The following SMYD3 variants were observed in gnomAD, a reference collection of about 807,000 sequenced individuals.
SMYD3 encodes the protein histone-lysine N-methyltransferase SMYD3.
Under a neutral mutation model 57.7 loss-of-function variants are expected in SMYD3, and 36 were observed. That is an observed-to-expected ratio of 0.62 (90% confidence interval 0.48 to 0.82). SMYD3 has a LOEUF of 0.82. SMYD3 is among the 40% of genes least tolerant of loss of function. SMYD3 has a pLI of 0.00. For missense variants in SMYD3, 515 were observed against 538.8 expected (o/e 0.96, Z 0.44); for synonymous variants, 211 against 195.0 (o/e 1.08, Z -0.68).
intron 1 of SMYD3, among the ~76,000 whole-genome samples, chr1:246,472,327 A>G (rs1369412773): frequency 6.6e-6 from 1 of 152,258 alleles, no homozygotes; most frequent in African/African-American, 2.4e-5. Context: ...TGCTTCTACA[A>G]TAGCTGGAAG....
intron 10 of SMYD3, among the ~76,000 whole-genome samples, chr1:245,788,621 T>A (rs978302775): frequency 1.3e-5 from 2 of 152,206 alleles, no homozygotes; most frequent in Admixed American, 6.5e-5. Flanking sequence ...CAGCAAGCTC[T>A]AAGCCCCTCA....
At chr1:246,024,343 A>AG (rs1205781432) in intron 5 of SMYD3, among the ~76,000 whole-genome samples, 7 of 149,130 alleles carry the variant, frequency 4.7e-5, no homozygotes, top group East Asian at 2.0e-4. Context: ...GCATCTAGGA[A>AG]GGAGATACAG....
chr1:246,045,216 A>G (rs1241447051), intron 5 of SMYD3, among the ~76,000 whole-genome samples: 2 of 152,226 alleles, frequency 1.3e-5, no homozygotes, highest in African/African-American at 4.8e-5. Flanking sequence ...GCATCATGCT[A>G]CCTGACTTCA....
Position 246,247,486 on chromosome 1 carries a change from T to TA in SMYD3, c.531+79714_531+79715insT, listed in dbSNP as rs1491147936. Among the ~76,000 whole-genome samples, 541 of 140,882 alleles carry TA rather than the reference T, an allele frequency of 3.8e-3. 18 individuals are homozygous for TA. In the East Asian group the frequency reaches 0.042, roughly 11 times the overall value. 92.4% of individuals were successfully genotyped at this position (140,882 alleles called of 152,430 possible). ...CTCTCTATATATATATATATATATA[T>TA]TTTTTAACATGGGACTCATATATAT... On this transcript the variant is annotated intron_variant, in intron 5 of 11. Transcript: ENST00000490107.
chr1:245,896,668 C>G (rs10754483), intron 8 of SMYD3, among the ~76,000 whole-genome samples: 144,780 of 152,254 alleles, frequency 0.95, 69,238 homozygotes, highest in East Asian at 1. Flanking sequence ...ACCTGTTCCC[C>G]TGTGCTAGAT....
At chr1:245,894,459 T>C (rs1290428666) in intron 8 of SMYD3, among the ~76,000 whole-genome samples, 2 of 152,074 alleles carry the variant, frequency 1.3e-5, no homozygotes, top group Non-Finnish European at 2.9e-5. Context: ...TTTTTCACTC[T>C]TCACAATACA....
intron 5 of SMYD3, among the ~76,000 whole-genome samples, chr1:246,086,974 G>A (rs932900850): frequency 7.2e-5 from 11 of 152,100 alleles, no homozygotes; most frequent in African/African-American, 4.8e-5. Context: ...GAGAACATGC[G>A]GTGTTTGGTT....
At chr1:246,169,111 G>GTCCGTCC (rs1192187058) in intron 5 of SMYD3, among the ~76,000 whole-genome samples, 2 of 152,058 alleles carry the variant, frequency 1.3e-5, no homozygotes, top group Non-Finnish European at 2.9e-5. Context: ...AAGCTTGTGT[G>GTCCGTCC]TCCGTCCCTA....
intron 11 of SMYD3, among the ~76,000 whole-genome samples, chr1:245,762,514 A>C (rs61831336): frequency 6.6e-6 from 1 of 152,160 alleles, no homozygotes; most frequent in South Asian, 2.1e-4. Flanking sequence ...AAGTACCCCC[A>C]GACCAGAAAA....
rs112818367 is a variant in SMYD3, at chr1:246,185,682, C to T, written c.531+141519G>A. 1.3e-3 allele frequency among the ~76,000 whole-genome samples: 205 copies of T among 152,116 alleles called. 1 individual carries two copies. Among genetic ancestry groups the T allele is most frequent in the African/African-American group, 4.6e-3 (191 of 41,506 alleles). On this transcript the variant is annotated intron_variant, in intron 5 of 11. Coordinates refer to ENST00000490107, the MANE Select transcript of SMYD3 (RefSeq NM_001167740.2). ...TTCACCATGTTAGCCAGGATGGTCT[C>T]GATCTCCTGATTTCGTGATCACCCG...
At chr1:246,265,357 T>C (rs1238704122) in intron 5 of SMYD3, among the ~76,000 whole-genome samples, 1 of 152,100 alleles carries the variant, frequency 6.6e-6, no homozygotes, top group East Asian at 1.9e-4. Flanking sequence ...CATGCTTGTC[T>C]TGAACTCCTG....
At chr1:245,904,186 G>GAT (rs2054391499) in intron 8 of SMYD3, among the ~76,000 whole-genome samples, 1 of 152,162 alleles carries the variant, frequency 6.6e-6, no homozygotes, top group South Asian at 2.1e-4. Context: ...GATCATGGGG[G>GAT]CTGTTTTCCT....
chr1:245,845,091 T>C (rs1177687711), intron 10 of SMYD3, among the ~76,000 whole-genome samples: 2 of 152,328 alleles, frequency 1.3e-5, no homozygotes, highest in Non-Finnish European at 1.5e-5. Flanking sequence ...CTCCAAAAGA[T>C]TCTTCTCTGC....
intron 2 of SMYD3, among the ~76,000 whole-genome samples, chr1:246,351,243 T>C (rs557703526): frequency 6.6e-6 from 1 of 152,334 alleles, no homozygotes; most frequent in South Asian, 2.1e-4. Flanking sequence ...GTATATAAAT[T>C]ACAATTTGAT....
chr1:246,131,547 C>T (rs955313828), intron 5 of SMYD3, among the ~76,000 whole-genome samples: 1 of 152,174 alleles, frequency 6.6e-6, no homozygotes, highest in African/African-American at 2.4e-5. Context: ...ATAGTCAACC[C>T]AAAATGATCT....
chr1:245,786,802 A>T (rs1173293533), intron 10 of SMYD3, among the ~76,000 whole-genome samples: 5 of 152,202 alleles, frequency 3.3e-5, no homozygotes, highest in African/African-American at 1.2e-4. Context: ...CCAGCATCTA[A>T]ATAAACGGTA....
chr1:246,478,676 A>G (rs1471285706), intron 1 of SMYD3, among the ~76,000 whole-genome samples: 13 of 109,092 alleles, frequency 1.2e-4, no homozygotes, highest in African/African-American at 1.9e-4. Context: ...GTAAGTGCTC[A>G]TATATGCACA....
At chr1:245,892,619 C>T (rs1281829784) in intron 8 of SMYD3, among the ~76,000 whole-genome samples, 2 of 152,216 alleles carry the variant, frequency 1.3e-5, no homozygotes, top group South Asian at 2.1e-4. Context: ...TAACTCTGTA[C>T]TCTTTGTATA....
At chr1:245,894,576 C>T (rs188761390) in intron 8 of SMYD3, among the ~76,000 whole-genome samples, 12 of 152,300 alleles carry the variant, frequency 7.9e-5, no homozygotes, top group Non-Finnish European at 1.3e-4. Flanking sequence ...ATGAACCCAC[C>T]GGAAGGAACC....
Sources: gnomAD v4.1 joint callset for allele counts (sites outside exome capture counted in the v4.1 genomes callset) on GRCh38, gnomAD v4.1.1 for gene constraint, MANE v1.5 for transcripts, NCBI Gene and HGNC (gene_info 2026-07-23, HGNC 2026-07-21) for gene names.